The following SLC29A3 variants were observed in gnomAD, a reference collection of about 807,000 sequenced individuals.
SLC29A3 encodes the protein equilibrative nucleoside transporter 3.
SLC29A3 carries 18 observed loss-of-function variants against 25.4 expected under a neutral mutation model. The ratio of observed to expected loss-of-function variants is 0.71; its 90% CI spans 0.49 to 1.05. SLC29A3 has a LOEUF of 1.05. Among genes scored for constraint, SLC29A3 ranks in the 50% least tolerant of loss-of-function variants. SLC29A3 has a pLI of 0.00. For missense variants in SLC29A3, 586 were observed against 609.0 expected (o/e 0.96, Z 0.40); for synonymous variants, 258 against 267.1 (o/e 0.97, Z 0.33).
Position 71,351,807 on chromosome 10 carries a change from G to A in SLC29A3, c.610+19G>A. 6.3e-7 allele frequency: 1 copy of A among 1,592,108 alleles called. No homozygotes were observed. The highest frequency in any genetic ancestry group is 8.5e-7 in the Non-Finnish European group (1 of 1,170,508). ...ATATCAGGTGAGAGCCAGGGTCCGGGCAGCTGACCAGGTTCATCCACCCAG... is the reference window on the plus strand; with the variant it reads ...ATATCAGGTGAGAGCCAGGGTCCGGACAGCTGACCAGGTTCATCCACCCAG... On this transcript the variant is annotated intron_variant, in intron 4 of 5. Transcript: ENST00000373189.
chr10:71,330,285 T>C (rs1395460342), intron 2 of SLC29A3, among the ~76,000 whole-genome samples: 1 of 152,182 alleles, frequency 6.6e-6, no homozygotes, highest in African/African-American at 2.4e-5. Context: ...AACATGGGCA[T>C]CCTACACCTG....
chr10:71,364,847 C>G (rs1186754397), downstream of SLC29A3: 1 of 152,256 alleles, frequency 6.6e-6, no homozygotes, highest in East Asian at 1.9e-4. Flanking sequence ...GAAGTCTCCC[C>G]CTTGGTTTTT....
At chr10:71,334,501 T>C (rs1283447801) in intron 2 of SLC29A3, among the ~76,000 whole-genome samples, 1 of 152,218 alleles carries the variant, frequency 6.6e-6, no homozygotes, top group Non-Finnish European at 1.5e-5. Flanking sequence ...CTATTATCTA[T>C]TTGTTTATGC....
chr10:71,319,299 G>A lies in SLC29A3; in HGVS notation c.-11G>A, dbSNP rs977313585. 4 of 643,462 alleles carry A rather than the reference G, an allele frequency of 6.2e-6. No individual in the cohort carries two copies. The highest frequency in any genetic ancestry group is 1.1e-5 in the Non-Finnish European group (4 of 358,440). 39.9% of individuals were successfully genotyped at this position (643,462 alleles called of 1,614,324 possible). ...GCGCCGGAGGCAGCGGCGGCGTGGCGCAGCGGCGACAGTAAGTGCGGGCCG... is the reference window on the plus strand; with the variant it reads ...GCGCCGGAGGCAGCGGCGGCGTGGCACAGCGGCGACAGTAAGTGCGGGCCG... On this transcript the variant is annotated 5_prime_UTR_variant, in exon 1 of 6. Transcript: ENST00000373189.
At chr10:71,327,224 A>G (rs1845993011) in intron 2 of SLC29A3, among the ~76,000 whole-genome samples, 1 of 152,166 alleles carries the variant, frequency 6.6e-6, no homozygotes, top group Non-Finnish European at 1.5e-5. Flanking sequence ...TCTCCCCCAA[A>G]TTATGTCACT....
At chr10:71,346,120 C>T (rs1846571263) in intron 3 of SLC29A3, among the ~76,000 whole-genome samples, 1 of 152,182 alleles carries the variant, frequency 6.6e-6, no homozygotes, top group South Asian at 2.1e-4. Context: ...CACAGGGGCA[C>T]CATGGGACAG....
At chr10:71,339,597 C>T (rs1458758750) in intron 2 of SLC29A3, among the ~76,000 whole-genome samples, 3 of 152,150 alleles carry the variant, frequency 2.0e-5, no homozygotes, top group Non-Finnish European at 4.4e-5. Flanking sequence ...ATGGACAACA[C>T]AGTGTGGTTT....
chr10:71,372,539 G>C (rs1490845553), intron 3 of SLC29A3, among the ~76,000 whole-genome samples: 2 of 152,146 alleles, frequency 1.3e-5, no homozygotes, highest in African/African-American at 4.8e-5. Flanking sequence ...AAGTTCCCAG[G>C]TGGTGCTGAT....
chr10:71,344,167 T>A (rs773442032), intron 2 of SLC29A3, 42 bp from the exon 3 acceptor site: 2 of 1,503,282 alleles, frequency 1.3e-6, no homozygotes, highest in Non-Finnish European at 1.9e-6. Flanking sequence ...CTCACCTCCA[T>A]CCCTGAGTGA....
chr10:71,323,433 C>T (rs1013364777), intron 2 of SLC29A3, among the ~76,000 whole-genome samples: 3 of 152,274 alleles, frequency 2.0e-5, no homozygotes, highest in African/African-American at 7.2e-5. Flanking sequence ...TTCTGTGCAG[C>T]TTTCATGGCC....
chr10:71,329,277 G>A (rs564171061), intron 2 of SLC29A3, among the ~76,000 whole-genome samples: 6 of 152,096 alleles, frequency 3.9e-5, no homozygotes, highest in Non-Finnish European at 7.4e-5. Flanking sequence ...GCTCAGCCCT[G>A]GCTGCACATC....
intron 3 of SLC29A3, among the ~76,000 whole-genome samples, chr10:71,369,809 CAGAA>C (rs1355800546): frequency 2.6e-5 from 4 of 152,220 alleles, no homozygotes; most frequent in African/African-American, 7.2e-5. Context: ...AACTGAGACT[CAGAA>C]AGATTAAGTC....
At chr10:71,324,285 T>C (rs1159488749) in intron 2 of SLC29A3, among the ~76,000 whole-genome samples, 1 of 152,196 alleles carries the variant, frequency 6.6e-6, no homozygotes, top group Non-Finnish European at 1.5e-5. Context: ...TAGATGCAGA[T>C]TTTTGTTTCA....
chr10:71,355,154 G>A (rs1846868265), intron 4 of SLC29A3, among the ~76,000 whole-genome samples: 1 of 152,240 alleles, frequency 6.6e-6, no homozygotes, highest in Non-Finnish European at 1.5e-5. Context: ...ACACAGGGCA[G>A]GGGTTGTTAT....
rs1847116132 is a variant in SLC29A3 at position 71,363,198 on chromosome 10, T to TTCCAGAGGG, written c.*591_*599dup. On this transcript the variant is annotated 3_prime_UTR_variant, in exon 6 of 6. Coordinates refer to ENST00000373189, the MANE Select transcript of SLC29A3 (RefSeq NM_018344.6). Reference sequence around the variant, plus strand: ...AGATGGGCCTTCCATGAATGCTTCATTCCAGAGGGACCAGAGGGCCTCCCT... The same window carrying TTCCAGAGGG: ...AGATGGGCCTTCCATGAATGCTTCATTCCAGAGGGTCCAGAGGGACCAGAGGGCCTCCCT... 1 of 452,322 alleles carries TTCCAGAGGG rather than the reference T, an allele frequency of 2.2e-6. No individual in the cohort carries two copies. The highest frequency in any genetic ancestry group is 4.4e-6 in the Non-Finnish European group (1 of 226,066). The allele number at this position is 452,322 out of a possible 1,614,324, so 28.0% of individuals were successfully genotyped here.
At chr10:71,348,155 A>G (rs1230659486) in intron 3 of SLC29A3, among the ~76,000 whole-genome samples, 7 of 152,208 alleles carry the variant, frequency 4.6e-5, no homozygotes, top group African/African-American at 1.7e-4. Flanking sequence ...CAATTTGTAC[A>G]TCCAGCAAAT....
Position 71,344,217 on chromosome 10 carries a change from T to G in SLC29A3, c.309T>G (p.Phe103Leu). 1.9e-6 allele frequency: 3 copies of G among 1,614,144 alleles called. No individual in the cohort carries two copies. The highest frequency in any genetic ancestry group is 2.5e-6 in the Non-Finnish European group (3 of 1,179,992). ...CACTTGTGTGCTTGCAGAACTACTT[T>G]GAGAGCTACCTTGCCGTTGCCTCCA... ...DPEGSDILNYFESYLAVASTV... is the reference protein window; with the variant it reads ...DPEGSDILNYLESYLAVASTV... Residue 103 changes from phenylalanine (F) to leucine (L), a missense_variant, in exon 3 of 6, where the codon TTT becomes TTG. Coordinates refer to ENST00000373189, the MANE Select transcript of SLC29A3 (RefSeq NM_018344.6).
exon 5 of SLC29A3, chr10:71,381,354 A>C (rs1847302195): frequency 6.6e-6 from 1 of 152,202 alleles, no homozygotes; most frequent in African/African-American, 2.4e-5. Flanking sequence ...TACTCTAAAA[A>C]AGTTAAGTCT....
intron 3 of SLC29A3, among the ~76,000 whole-genome samples, chr10:71,371,158 C>G (rs1349470610): frequency 6.6e-6 from 1 of 152,144 alleles, no homozygotes; most frequent in Non-Finnish European, 1.5e-5. Context: ...CCATCAAGCA[C>G]TAGGTCTTAC....
Sources: gnomAD v4.1 joint callset for allele counts (sites outside exome capture counted in the v4.1 genomes callset) on GRCh38, gnomAD v4.1.1 for gene constraint, MANE v1.5 for transcripts, NCBI Gene and HGNC (gene_info 2026-07-23, HGNC 2026-07-21) for gene names.